DAB1: variants seen among roughly 807,000 people sequenced by gnomAD.
DAB1 encodes the protein disabled homolog 1.
DAB1 carries 15 observed loss-of-function variants against 64.6 expected under a neutral mutation model. The observed-to-expected ratio is 0.23, with a 90% CI of 0.16 to 0.36. DAB1 has a LOEUF of 0.36. Among genes scored for constraint, DAB1 ranks in the 10% least tolerant of loss-of-function variants. The pLI is 1.00. For synonymous variants in DAB1, 235 were observed against 251.9 expected (o/e 0.93, Z 0.64); for missense variants, 596 against 706.7 (o/e 0.84, Z 1.78).
intron 1 of DAB1, among the ~76,000 whole-genome samples, chr1:57,419,697 T>C (rs1684755442): frequency 1.3e-5 from 2 of 152,238 alleles, no homozygotes; most frequent in African/African-American, 4.8e-5. Flanking sequence ...TCTAAGCACT[T>C]TGTGTTAGTT....
intron 7 of DAB1, among the ~76,000 whole-genome samples, chr1:57,594,887 T>C (rs1456804622): frequency 6.6e-6 from 1 of 151,938 alleles, no homozygotes. Flanking sequence ...ATTTTTTGTA[T>C]TTGTAGTAGA....
chr1:58,148,736 G>A (rs1220701582), intron 5 of DAB1, among the ~76,000 whole-genome samples: 3 of 151,578 alleles, frequency 2.0e-5, no homozygotes, highest in African/African-American at 7.3e-5. Flanking sequence ...CGGATCTCTC[G>A]AGACTTTTTC....
rs928566406 is a variant in DAB1, at chr1:57,784,239, C to T, written n.551+99760G>A. Reference sequence around the variant, plus strand: ...GCAAGACCGTTTCTACAAAAGAATACAAAAATTAGCCAAGTATGGTGACAT... The same window carrying T: ...GCAAGACCGTTTCTACAAAAGAATATAAAAATTAGCCAAGTATGGTGACAT... On this transcript the variant is annotated intron_variant and non_coding_transcript_variant, in intron 6 of 20. Transcript: ENST00000485760. Among the ~76,000 whole-genome samples the T allele has an allele frequency of 4.6e-5, 7 of 152,120 alleles. 1 individual carries two copies. In the South Asian group the frequency reaches 8.3e-4, roughly 18 times the overall value.
At chr1:57,446,471 C>G (rs1020982759) in intron 7 of DAB1, among the ~76,000 whole-genome samples, 1 of 151,936 alleles carries the variant, frequency 6.6e-6, no homozygotes, top group African/African-American at 2.4e-5. Flanking sequence ...GTGGCACATG[C>G]CTATAATCCC....
At position 57,728,609 on chromosome 1, in the gene DAB1, C is replaced by A. The variant is rs367576927; in HGVS notation, n.552-78944G>T. Among the ~76,000 whole-genome samples the A allele has an allele frequency of 8.2e-3, 1,233 of 150,010 alleles. 20 individuals are homozygous for A. The highest frequency in any genetic ancestry group is 0.028 in the African/African-American group (1,136 of 40,872). On this transcript the variant is annotated intron_variant and non_coding_transcript_variant, in intron 6 of 20. Transcript: ENST00000485760. ...ACTCCGTCTCAAAAAAAAACAACAA[C>A]AAAAAAAAACCACCCCCTGAGATGT... is the stretch of plus-strand genomic sequence containing the variant.
chr1:57,431,814 G>C (rs1176603075), intron 7 of DAB1, among the ~76,000 whole-genome samples: 1 of 152,132 alleles, frequency 6.6e-6, no homozygotes, highest in Non-Finnish European at 1.5e-5. Flanking sequence ...GAAAATAGGA[G>C]TAGACTAAAA....
rs1645107644 is a variant in DAB1, at chr1:57,941,671, C to T, written n.388-57509G>A. Among the ~76,000 whole-genome samples, 3 of 152,082 alleles carry T rather than the reference C, an allele frequency of 2.0e-5. No individual in the cohort carries two copies. In the South Asian group the frequency reaches 6.2e-4, roughly 32 times the overall value. ...CTAACATGGTGAAACCCCATCTCTA[C>T]TAAAAATACAAAAATTAGCCAGGCT... On this transcript the variant is annotated intron_variant and non_coding_transcript_variant, in intron 5 of 20. Transcript: ENST00000485760.
At chr1:57,760,982 A>G (rs538919022) in intron 6 of DAB1, among the ~76,000 whole-genome samples, 9 of 152,340 alleles carry the variant, frequency 5.9e-5, no homozygotes, top group African/African-American at 2.2e-4. Context: ...GGCAAATGAC[A>G]TGAGTATAAG....
At position 58,189,246 on chromosome 1, in the gene DAB1, T is replaced by C. The variant is rs532391741; in HGVS notation, n.310-38658A>G. Among the ~76,000 whole-genome samples the C allele has an allele frequency of 7.2e-5, 11 of 152,392 alleles. No homozygotes were observed. In the South Asian group the frequency reaches 2.3e-3, roughly 32 times the overall value. ...TACTGAAAGCAGGAAAGGATGTTTT[T>C]ATTCCTAGCTATCCTTCAGCTGTTC... On this transcript the variant is annotated intron_variant and non_coding_transcript_variant, in intron 4 of 20. Transcript: ENST00000485760.
intron 6 of DAB1, among the ~76,000 whole-genome samples, chr1:57,783,037 CTCTT>C (rs1215116368): frequency 6.6e-5 from 5 of 76,298 alleles, no homozygotes; most frequent in Non-Finnish European, 1.0e-4. Flanking sequence ...CCCTTGCTTG[CTCTT>C]TCTTTCTTTC....
At chr1:57,652,553 A>C (rs1646269571) in intron 6 of DAB1, among the ~76,000 whole-genome samples, 2 of 152,170 alleles carry the variant, frequency 1.3e-5, no homozygotes, top group Non-Finnish European at 2.9e-5. Context: ...GAATGTAATC[A>C]TTGGGTGGTT....
chr1:57,634,883 G>A (rs1646032593), intron 7 of DAB1, among the ~76,000 whole-genome samples: 1 of 152,064 alleles, frequency 6.6e-6, no homozygotes, highest in Non-Finnish European at 1.5e-5. Flanking sequence ...GGGTGGGGAG[G>A]GTATACTATT....
At chr1:57,088,474 T>C (rs1424878933) in intron 4 of DAB1, among the ~76,000 whole-genome samples, 1 of 152,228 alleles carries the variant, frequency 6.6e-6, no homozygotes, top group Non-Finnish European at 1.5e-5. Context: ...CAGAGGAATT[T>C]ACTGTTTGTT....
chr1:58,528,348 T>C (rs1646383249), intron 1 of DAB1, among the ~76,000 whole-genome samples: 2 of 152,188 alleles, frequency 1.3e-5, no homozygotes, highest in South Asian at 4.1e-4. Flanking sequence ...AGTAGTATCA[T>C]ATGTAAAATG....
rs573367814 is a variant in DAB1, at chr1:57,144,919, C to CA, written c.207+370dup. Among the ~76,000 whole-genome samples, 372 of 151,884 alleles carry CA rather than the reference C, an allele frequency of 2.4e-3. 1 individual carries two copies. Among genetic ancestry groups the CA allele is most frequent in the African/African-American group, 8.3e-3 (344 of 41,432 alleles). ...TATCTTAACATCTCTTACCATATGG[C>CA]AAAAATATATATTATTTATTCAAAA... is the stretch of plus-strand genomic sequence containing the variant. On this transcript the variant is annotated intron_variant, in intron 3 of 14. Coordinates refer to ENST00000371236, the MANE Select transcript of DAB1 (RefSeq NM_001365792.1).
chr1:58,266,428 A>T (rs908836553), intron 4 of DAB1, among the ~76,000 whole-genome samples: 2 of 152,198 alleles, frequency 1.3e-5, no homozygotes, highest in African/African-American at 4.8e-5. Flanking sequence ...GAACAGAAGC[A>T]CCCAGTCAGC....
At chr1:58,158,943 T>C (rs1655364716) in intron 4 of DAB1, among the ~76,000 whole-genome samples, 1 of 152,152 alleles carries the variant, frequency 6.6e-6, no homozygotes, top group Admixed American at 6.5e-5. Context: ...TGATAGAATA[T>C]TCAAATGAAA....
intron 5 of DAB1, among the ~76,000 whole-genome samples, chr1:58,001,968 C>T (rs973928728): frequency 2.6e-5 from 4 of 152,078 alleles, no homozygotes; most frequent in African/African-American, 7.2e-5. Flanking sequence ...GAGGTTGTAA[C>T]GATGTGGTCA....
intron 7 of DAB1, among the ~76,000 whole-genome samples, chr1:57,638,112 A>T (rs1307118857): frequency 6.6e-6 from 1 of 152,122 alleles, no homozygotes; most frequent in African/African-American, 2.4e-5. Flanking sequence ...AAATAAATAT[A>T]CCCAAATGAG....
Sources: gnomAD v4.1 joint callset for allele counts (sites outside exome capture counted in the v4.1 genomes callset) on GRCh38, gnomAD v4.1.1 for gene constraint, MANE v1.5 for transcripts, NCBI Gene and HGNC (gene_info 2026-07-23, HGNC 2026-07-21) for gene names.